Variants in FMN2 observed in about 807,000 individuals in gnomAD.
The protein encoded by FMN2 is formin 2.
Under a neutral mutation model 142.3 loss-of-function variants are expected in FMN2, and 51 were observed. The ratio of observed to expected loss-of-function variants is 0.36; its 90% CI spans 0.29 to 0.45. The LOEUF (loss-of-function observed/expected upper bound fraction) is 0.45. FMN2 is among the 20% of genes least tolerant of loss of function. The pLI, the probability that FMN2 is intolerant of heterozygous loss-of-function variation, is 1.00. For synonymous variants in FMN2, 882 were observed against 869.8 expected, an observed-to-expected ratio of 1.01 and a Z score of -0.25; for missense variants, 1,936 against 2,122.8, an observed-to-expected ratio of 0.91 and a Z score of 1.73.
chr1:240,308,255 A>T (rs1457837569), intron 8 of FMN2, among the ~76,000 whole-genome samples: 2 of 152,214 alleles, frequency 1.3e-5, no homozygotes, highest in Non-Finnish European at 2.9e-5. Context: ...AAATGGCACA[A>T]GGGAGGGGAA....
chr1:240,193,860 A>G (rs1366398990), intron 4 of FMN2, among the ~76,000 whole-genome samples: 1 of 152,228 alleles, frequency 6.6e-6, no homozygotes, highest in Non-Finnish European at 1.5e-5. Flanking sequence ...GATGTCTGAT[A>G]TCTGCTTAGA....
intron 15 of FMN2, among the ~76,000 whole-genome samples, chr1:240,426,449 G>A (rs1674938516): frequency 2.6e-5 from 4 of 152,086 alleles, no homozygotes; most frequent in Admixed American, 1.3e-4. Flanking sequence ...GATGTGTATA[G>A]CTATTACTTT....
intron 2 of FMN2, among the ~76,000 whole-genome samples, chr1:240,165,631 ATTT>A (rs71170711): frequency 7.1e-6 from 1 of 139,904 alleles, no homozygotes; most frequent in African/African-American, 2.6e-5. Context: ...CCATTTTTCT[ATTT>A]TTTTTTTTTA....
intron 2 of FMN2, among the ~76,000 whole-genome samples, chr1:240,173,662 ATTTG>A (rs1357238708): frequency 9.2e-5 from 14 of 152,132 alleles, no homozygotes; most frequent in African/African-American, 3.1e-4. Context: ...AAGAGTTGGG[ATTTG>A]ATTCTGCAGA....
At chr1:240,140,534 G>A (rs1379341838) in intron 2 of FMN2, among the ~76,000 whole-genome samples, 1 of 152,078 alleles carries the variant, frequency 6.6e-6, no homozygotes, top group African/African-American at 2.4e-5. Flanking sequence ...TGGATATATA[G>A]TCTGTAAAAT....
chr1:240,386,402 C>G (rs1673406932), intron 14 of FMN2, among the ~76,000 whole-genome samples: 1 of 152,144 alleles, frequency 6.6e-6, no homozygotes, highest in Admixed American at 6.5e-5. Context: ...CCTAGACAAA[C>G]AGATGAAAGG....
chr1:240,462,125 C>T (rs1374736869), intron 16 of FMN2, among the ~76,000 whole-genome samples: 1 of 152,120 alleles, frequency 6.6e-6, no homozygotes, highest in Admixed American at 6.5e-5. Flanking sequence ...ATCTAGGTAT[C>T]CTCTCATGTA....
At position 240,208,498 on chromosome 1, in the gene FMN2, G is replaced by A. The variant is rs1445830447; in HGVS notation, c.3686G>A (p.Gly1229Glu). The A allele has an allele frequency of 1.2e-6, 2 of 1,609,510 alleles. No individual in the cohort carries two copies. Among genetic ancestry groups the A allele is most frequent in the Non-Finnish European group, 1.7e-6 (2 of 1,178,442 alleles). ...PAPAPPLPPPGTGIPPPPLLP... is the reference protein window; with the variant it reads ...PAPAPPLPPPETGIPPPPLLP... ...CCAGCTCCCCCACTCCCTCCACCTG[G>A]GACAGGAATCCCACCGCCCCCTCTG... The change falls in exon 5 of 18, where the codon GGG becomes GAG. Residue 1229 changes from glycine (G) to glutamate (E), a missense_variant. Physicochemically the swap from Gly to Glu is moderately conservative, Grantham distance 98. Coordinates refer to ENST00000319653, the MANE Select transcript of FMN2 (RefSeq NM_020066.5).
chr1:240,212,427 A>G (rs750916800), intron 6 of FMN2, among the ~76,000 whole-genome samples: 1 of 152,220 alleles, frequency 6.6e-6, no homozygotes, highest in Non-Finnish European at 1.5e-5. Flanking sequence ...TGCTTGTTGC[A>G]TTATCACTGG....
At position 240,215,719 on chromosome 1, in the gene FMN2, C is replaced by CT. The variant is rs544095532; in HGVS notation, c.4065+4492dup. On this transcript the variant is annotated intron_variant, in intron 6 of 17. Transcript: ENST00000319653. ...CATGTTTTAGCAGATTTCTTTCTTT[C>CT]TTTTTTTTAAATGGAGTCTCACTCT... Among the ~76,000 whole-genome samples the CT allele has an allele frequency of 2.2e-3, 334 of 151,874 alleles. 1 individual carries two copies. Among genetic ancestry groups the CT allele is most frequent in the African/African-American group, 7.6e-3 (316 of 41,432 alleles).
At chr1:240,096,982 G>A (rs765259499) in intron 1 of FMN2, among the ~76,000 whole-genome samples, 10 of 152,276 alleles carry the variant, frequency 6.6e-5, no homozygotes, top group South Asian at 2.1e-4. Flanking sequence ...AAAAAATGGC[G>A]TCTGAAATTC....
chr1:240,319,195 G>A (rs1022016857), intron 8 of FMN2, among the ~76,000 whole-genome samples: 1 of 152,098 alleles, frequency 6.6e-6, no homozygotes, highest in African/African-American at 2.4e-5. Context: ...AAGATGTAAT[G>A]TAATCAAAGG....
intron 7 of FMN2, among the ~76,000 whole-genome samples, chr1:240,277,493 C>G (rs1669255354): frequency 7.0e-6 from 1 of 142,418 alleles, no homozygotes; most frequent in Admixed American, 7.1e-5. Flanking sequence ...GAAGATTATG[C>G]CTTACCCAAC....
intron 2 of FMN2, among the ~76,000 whole-genome samples, chr1:240,146,264 T>C (rs61830663): frequency 0.46 from 68,492 of 148,560 alleles, 17,145 homozygotes; most frequent in South Asian, 0.65. Context: ...CTTGGTGGTA[T>C]GTGCCTATAG....
Position 240,092,505 on chromosome 1 carries a change from T to C in FMN2, c.396T>C (p.Asp132=), listed in dbSNP as rs1661018248. ...CGGCGGACGAGGCCGGCCTGTCGGATACCGAGTGTGCGGACCCTTTTGAGG... is the reference window on the plus strand; with the variant it reads ...CGGCGGACGAGGCCGGCCTGTCGGACACCGAGTGTGCGGACCCTTTTGAGG... ...SLSADEAGLS[D]TECADPFEVT... Residue 132 remains aspartate, a synonymous_variant, in exon 1 of 18, where the codon GAT becomes GAC. Coordinates refer to ENST00000319653, the MANE Select transcript of FMN2 (RefSeq NM_020066.5). The C allele has an allele frequency of 6.2e-7, 1 of 1,607,652 alleles. No individual in the cohort carries two copies. The highest frequency in any genetic ancestry group is 1.1e-5 in the South Asian group (1 of 90,358).
chr1:240,137,287 T>C (rs796482060), intron 2 of FMN2, among the ~76,000 whole-genome samples: 29 of 152,158 alleles, frequency 1.9e-4, no homozygotes, highest in African/African-American at 7.0e-4. Context: ...GGTTGGCAAG[T>C]TTTTCTGTAA....
intron 13 of FMN2, among the ~76,000 whole-genome samples, chr1:240,352,496 C>T (rs766791474): frequency 3.3e-5 from 5 of 152,112 alleles, no homozygotes; most frequent in African/African-American, 7.2e-5. Context: ...GCACAAGAAT[C>T]GCTTGAACCG....
At chr1:240,127,775 C>G (rs944123638) in intron 2 of FMN2, among the ~76,000 whole-genome samples, 1 of 152,266 alleles carries the variant, frequency 6.6e-6, no homozygotes, top group East Asian at 1.9e-4. Context: ...CCACCATGCC[C>G]GGCCCCCAGC....
intron 13 of FMN2, among the ~76,000 whole-genome samples, chr1:240,351,173 G>A (rs574035816): frequency 6.6e-6 from 1 of 152,280 alleles, no homozygotes; most frequent in East Asian, 1.9e-4. Context: ...ACTTTGTAAT[G>A]GCACAAGTAT....
Sources: allele counts gnomAD v4.1 joint callset (sites outside exome capture counted in the v4.1 genomes callset), GRCh38; gene constraint gnomAD v4.1.1; transcripts MANE v1.5; gene names NCBI Gene and HGNC (gene_info 2026-07-23, HGNC 2026-07-21).